The following WNT9A variants were observed in gnomAD, a reference collection of about 807,000 sequenced individuals.
The protein encoded by WNT9A is protein Wnt-9a.
In WNT9A, 8 loss-of-function variants were observed where a neutral mutation model predicts 31.4. The ratio of observed to expected loss-of-function variants is 0.26; its 90% CI spans 0.15 to 0.46. The LOEUF (loss-of-function observed/expected upper bound fraction) is 0.46, where lower values mean the gene tolerates loss of function less well. Among genes scored for constraint, WNT9A ranks in the 20% least tolerant of loss-of-function variants. WNT9A has a pLI of 0.99. For missense variants in WNT9A, 457 were observed against 522.9 expected (o/e 0.87, Z 1.23); for synonymous variants, 236 against 220.1 (o/e 1.07, Z -0.64).
intron 1 of WNT9A, among the ~76,000 whole-genome samples, chr1:227,936,897 G>A (rs562743700): frequency 2.0e-5 from 3 of 152,152 alleles, no homozygotes; most frequent in East Asian, 3.9e-4. Flanking sequence ...ATTCAATTTC[G>A]GAAAACTCTC....
At chr1:227,933,754 G>C (rs1666546938) in intron 1 of WNT9A, among the ~76,000 whole-genome samples, 1 of 152,170 alleles carries the variant, frequency 6.6e-6, no homozygotes, top group Admixed American at 6.5e-5. Context: ...GCACAGTGGA[G>C]CAGGGTCAGG....
In WNT9A at chr1:227,921,787, C is replaced by T. The variant is rs1262404105; in HGVS notation, c.829G>A (p.Ala277Thr). Residue 277 changes from alanine to threonine, a missense_variant, in exon 4 of 4, where the codon GCA becomes ACA. Transcript: ENST00000272164. ...CGGGGCAGCGGGTCGCTGCCACCTG[C>T]CCCCGAGGCACGGCCCCGTGGTGGG... is the stretch of plus-strand genomic sequence containing the variant. ...ISPPRGRASG[A>T]GGSDPLPRTP... The T allele has an allele frequency of 1.2e-6, 2 of 1,612,368 alleles. No individual in the cohort carries two copies. The highest frequency in any genetic ancestry group is 1.1e-5 in the South Asian group (1 of 91,056).
chr1:227,936,342 A>G (rs1173185795), intron 1 of WNT9A, among the ~76,000 whole-genome samples: 1 of 152,154 alleles, frequency 6.6e-6, no homozygotes, highest in Non-Finnish European at 1.5e-5. Context: ...GGCAGCTGCC[A>G]ACATGCCCAG....
chr1:227,931,880 C>CTTTTTTT, intron 1 of WNT9A, among the ~76,000 whole-genome samples: 1 of 142,604 alleles, frequency 7.0e-6, no homozygotes, highest in Non-Finnish European at 1.5e-5. Flanking sequence ...GTGGAAATGT[C>CTTTTTTT]TTTTTTTTTT....
intron 1 of WNT9A, among the ~76,000 whole-genome samples, chr1:227,930,047 C>T (rs1167976119): frequency 6.6e-6 from 1 of 152,202 alleles, no homozygotes; most frequent in Non-Finnish European, 1.5e-5. Context: ...CTGACAATTA[C>T]AGATATAATC....
intron 1 of WNT9A, among the ~76,000 whole-genome samples, chr1:227,927,217 G>A (rs1572126733): frequency 6.6e-6 from 1 of 152,144 alleles, no homozygotes; most frequent in Non-Finnish European, 1.5e-5. Context: ...TGCAGAGGGG[G>A]TCTTCACTTA....
rs186739908 is a variant in WNT9A, at chr1:227,926,358, C to T, written c.96-839G>A. ...GGCTCCACCCCACTGGGTGCCCCCT[C>T]CCCCCAGCTGGCTGCTGGCTCACCT... On this transcript the variant is annotated intron_variant, in intron 1 of 3. Coordinates refer to ENST00000272164, the MANE Select transcript of WNT9A (RefSeq NM_003395.4). The surrounding 1 kb of genome is among the most constrained non-coding windows in gnomAD (Gnocchi z 5.0). 2.3e-4 allele frequency among the ~76,000 whole-genome samples: 35 copies of T among 152,166 alleles called. No homozygotes were observed. The East Asian group carries it at 6.8e-3, about 30-fold the overall frequency.
At chr1:227,931,264 A>G (rs1350918877) in intron 1 of WNT9A, among the ~76,000 whole-genome samples, 1 of 152,040 alleles carries the variant, frequency 6.6e-6, no homozygotes, top group Non-Finnish European at 1.5e-5. Flanking sequence ...ATCCTCTTCT[A>G]TGGGGCTAGA....
At chr1:227,945,521 C>T (rs1335782897) in intron 1 of WNT9A, among the ~76,000 whole-genome samples, 1 of 152,216 alleles carries the variant, frequency 6.6e-6, no homozygotes, top group Middle Eastern at 3.2e-3. Context: ...TCCCCCAGGC[C>T]AGCCTCTCCT....
At position 227,921,442 on chromosome 1, in the gene WNT9A, C is replaced by G. The variant is rs1666310813; in HGVS notation, c.*76G>C. 2.0e-6 allele frequency: 3 copies of G among 1,538,234 alleles called. No homozygotes were observed. The East Asian group carries it at 6.8e-5, about 35-fold the overall frequency. ...GGGCTGGTCGAGCCCAGGAACTCAG[C>G]CTGTGCAGGTGTAGACCCTTCACAC... On this transcript the variant is annotated 3_prime_UTR_variant, in exon 4 of 4. Coordinates refer to ENST00000272164, the MANE Select transcript of WNT9A (RefSeq NM_003395.4).
Position 227,941,295 on chromosome 1 carries a change from C to G in WNT9A, c.95+6498G>C, listed in dbSNP as rs894653768. Among the ~76,000 whole-genome samples, 4 of 152,130 alleles carry G rather than the reference C, an allele frequency of 2.6e-5. No individual in the cohort carries two copies. In the East Asian group the frequency reaches 7.7e-4, roughly 29 times the overall value. Reference sequence around the variant, plus strand: ...CAGCTTGGAGAAGACCCCACAGGGACCCTTCTGGCCAATCCCAGAATTGAG... The same window carrying G: ...CAGCTTGGAGAAGACCCCACAGGGAGCCTTCTGGCCAATCCCAGAATTGAG... On this transcript the variant is annotated intron_variant, in intron 1 of 3. Transcript: ENST00000272164.
intron 3 of WNT9A, 71 bp downstream of exon 3, chr1:227,924,061 GTCCCAC>G: frequency 2.6e-5 from 3 of 114,742 alleles, no homozygotes; most frequent in Non-Finnish European, 3.3e-5. Flanking sequence ...CCCGCCCCCA[GTCCCAC>G]GCCCCACCCC....
intron 1 of WNT9A, among the ~76,000 whole-genome samples, chr1:227,936,393 T>C (rs1281817857): frequency 3.3e-5 from 5 of 152,194 alleles, no homozygotes; most frequent in Non-Finnish European, 7.3e-5. Flanking sequence ...GGTTTTGCCA[T>C]GTTGGCCAGG....
chr1:227,946,901 C>G (rs1353368752), intron 1 of WNT9A, among the ~76,000 whole-genome samples: 1 of 152,112 alleles, frequency 6.6e-6, no homozygotes, highest in Non-Finnish European at 1.5e-5. Flanking sequence ...GGGCTGGGAT[C>G]CGAAGGCCAG....
rs940727325 is a variant in WNT9A, at chr1:227,919,439, G to A, written c.*2079C>T. Reference sequence around the variant, plus strand: ...TATGTACTATAACACAGGGACGGCAGAGACCCACAGCAACATAAATAGGTT... The same window carrying A: ...TATGTACTATAACACAGGGACGGCAAAGACCCACAGCAACATAAATAGGTT... On this transcript the variant is annotated 3_prime_UTR_variant, in exon 4 of 4. Coordinates refer to ENST00000272164, the MANE Select transcript of WNT9A (RefSeq NM_003395.4). The A allele has an allele frequency of 5.3e-5, 8 of 152,180 alleles. No homozygotes were observed. The highest frequency in any genetic ancestry group is 3.9e-4 in the Admixed American group (6 of 15,286). The allele number at this position is 152,180 out of a possible 1,614,324, so 9.4% of individuals were successfully genotyped here.
intron 1 of WNT9A, among the ~76,000 whole-genome samples, chr1:227,933,218 C>A (rs567729091): frequency 6.6e-6 from 1 of 152,246 alleles, no homozygotes; most frequent in East Asian, 1.9e-4. Flanking sequence ...CCAGCTCTTG[C>A]ACTTTTATGT....
intron 1 of WNT9A, among the ~76,000 whole-genome samples, chr1:227,937,812 G>A (rs1418325978): frequency 6.6e-6 from 1 of 152,332 alleles, no homozygotes; most frequent in East Asian, 1.9e-4. Context: ...CCAGTCTGTG[G>A]TGCCTGACAG....
At chr1:227,922,456 C>T (rs1255677649) in intron 3 of WNT9A, among the ~76,000 whole-genome samples, 6 of 152,240 alleles carry the variant, frequency 3.9e-5, no homozygotes, top group Non-Finnish European at 8.8e-5. Context: ...TGACCGCAAC[C>T]TCCCTACCCC....
rs569105838 is a variant in WNT9A, at chr1:227,936,454, A to C, written c.96-10935T>G. On this transcript the variant is annotated intron_variant, in intron 1 of 3. Transcript: ENST00000272164. Reference sequence around the variant, plus strand: ...TGATCCACCTACCTTGGCCTTTCAAAGTGCTGGGATTACAGGAGTGAGGAA... The same window carrying C: ...TGATCCACCTACCTTGGCCTTTCAACGTGCTGGGATTACAGGAGTGAGGAA... Among the ~76,000 whole-genome samples the C allele has an allele frequency of 3.3e-5, 5 of 152,136 alleles. No individual in the cohort carries two copies. The East Asian group carries it at 5.8e-4, about 18-fold the overall frequency.
Sources: allele counts gnomAD v4.1 joint callset (sites outside exome capture counted in the v4.1 genomes callset), GRCh38; gene constraint gnomAD v4.1.1; non-coding constraint Gnocchi (gnomAD v3.1); transcripts MANE v1.5; gene names NCBI Gene and HGNC (gene_info 2026-07-23, HGNC 2026-07-21).